The following MYO9B variants were observed in gnomAD, a reference collection of about 807,000 sequenced individuals.
The protein encoded by MYO9B is myosin IXB.
In MYO9B, 71 loss-of-function variants were observed where a neutral mutation model predicts 229.5. The ratio of observed to expected loss-of-function variants is 0.31; its 90% confidence interval spans 0.26 to 0.38. MYO9B has a LOEUF of 0.38. Ranked by LOEUF, MYO9B falls within the 10% of genes least tolerant of loss-of-function variation. The pLI, the probability that MYO9B is intolerant of heterozygous loss-of-function variation, is 1.00. For synonymous variants in MYO9B, 1,185 were observed against 1,235.8 expected (o/e 0.96, Z 0.86); for missense variants, 2,255 against 2,920.5 (o/e 0.77, Z 5.25).
intron 14 of MYO9B, among the ~76,000 whole-genome samples, chr19:17,179,050 T>G (rs11672028): frequency 0.11 from 15,739 of 138,744 alleles, 1,067 homozygotes; most frequent in Middle Eastern, 0.16. Flanking sequence ...AAAAAAAAAC[T>G]AGGGTTTCTC....
At chr19:17,148,314 C>G (rs916508567) in intron 3 of MYO9B, among the ~76,000 whole-genome samples, 1 of 152,198 alleles carries the variant, frequency 6.6e-6, no homozygotes, top group Non-Finnish European at 1.5e-5. Flanking sequence ...GGCACCGCCC[C>G]CTTTCCAACA....
chr19:17,076,976 G>C (rs1341013867), intron 1 of MYO9B, among the ~76,000 whole-genome samples: 7 of 152,150 alleles, frequency 4.6e-5, no homozygotes, highest in African/African-American at 1.7e-4. Context: ...TGGAGGCCAG[G>C]GGTCTTTAAG....
chr19:17,203,004 T>C (rs768101064), intron 29 of MYO9B, 121 bp downstream of exon 29: 29 of 1,395,114 alleles, frequency 2.1e-5, no homozygotes, highest in Non-Finnish European at 2.8e-5. Context: ...CGTGGACACG[T>C]GTGAGTGTGT....
chr19:17,105,320 A>G (rs1308732378), intron 2 of MYO9B, among the ~76,000 whole-genome samples: 1 of 53,944 alleles, frequency 1.9e-5, no homozygotes, highest in Non-Finnish European at 4.4e-5. Context: ...TGTCTCTACC[A>G]AAAAAAAAAA....
intron 31 of MYO9B, 46 bp from the exon 32 acceptor site, chr19:17,205,914 G>T: frequency 6.6e-7 from 1 of 1,506,972 alleles, no homozygotes; most frequent in East Asian, 2.3e-5. Context: ...CAGCTGGAGA[G>T]GAAGACAGCC....
intron 14 of MYO9B, 56 bp downstream of exon 14, chr19:17,175,797 T>C: frequency 2.3e-6 from 3 of 1,321,180 alleles, no homozygotes; most frequent in Non-Finnish European, 3.2e-6. Flanking sequence ...GCAGCATTGT[T>C]TCAAACAACT....
At chr19:17,178,142 G>A (rs967122937) in intron 14 of MYO9B, among the ~76,000 whole-genome samples, 3 of 152,208 alleles carry the variant, frequency 2.0e-5, no homozygotes, top group Non-Finnish European at 1.5e-5. Context: ...AAGGCCACTC[G>A]CATATAGAGG....
rs1363899514 is a variant in MYO9B at position 17,162,441 on chromosome 19, A to G, written c.1511A>G (p.Lys504Arg). Residue 504 changes from lysine to arginine, a missense_variant, in exon 9 of 40, where the codon AAG becomes AGG. Transcript: ENST00000682292. Reference protein sequence around the residue: ...VLRINHALLNKKDVEEAVSCL... With the variant: ...VLRINHALLNRKDVEEAVSCL... Reference sequence around the variant, plus strand: ...CGGATCAACCACGCACTCCTCAACAAGAAGGACGTGGAAGAGGCAGTCTCG... The same window carrying G: ...CGGATCAACCACGCACTCCTCAACAGGAAGGACGTGGAAGAGGCAGTCTCG... 3.8e-6 allele frequency: 6 copies of G among 1,576,514 alleles called. No individual in the cohort carries two copies. In the African/African-American group the frequency reaches 5.4e-5, roughly 14 times the overall value.
At chr19:17,097,509 T>G (rs932162326) in intron 1 of MYO9B, among the ~76,000 whole-genome samples, 15 of 152,082 alleles carry the variant, frequency 9.9e-5, no homozygotes, top group Non-Finnish European at 2.1e-4. Context: ...GATAAGACAA[T>G]CCAAAATTTA....
intron 18 of MYO9B, among the ~76,000 whole-genome samples, chr19:17,187,057 T>A (rs1360567487): frequency 6.6e-6 from 1 of 152,096 alleles, no homozygotes; most frequent in Non-Finnish European, 1.5e-5. Context: ...CACCATGCCT[T>A]ATCCCTTACT....
intron 2 of MYO9B, among the ~76,000 whole-genome samples, chr19:17,119,840 G>T (rs2057944637): frequency 6.6e-6 from 1 of 151,958 alleles, no homozygotes; most frequent in Non-Finnish European, 1.5e-5. Context: ...AGTAGAGATG[G>T]GGTTTCACCA....
intron 19 of MYO9B, among the ~76,000 whole-genome samples, chr19:17,189,531 C>A (rs556773553): frequency 6.6e-6 from 1 of 152,088 alleles, no homozygotes; most frequent in South Asian, 2.1e-4. Context: ...ACTTGCGGGG[C>A]TGAGGCAGGA....
chr19:17,185,324 A>T (rs1373013116), intron 17 of MYO9B, among the ~76,000 whole-genome samples: 1 of 150,386 alleles, frequency 6.6e-6, no homozygotes, highest in African/African-American at 2.5e-5. Flanking sequence ...CAGTGAGCCG[A>T]GATGGCGCCA....
Position 17,145,414 on chromosome 19 carries a change from G to A in MYO9B, c.858G>A (p.Lys286=), listed in dbSNP as rs762919296. The A allele has an allele frequency of 6.2e-7, 1 of 1,613,962 alleles. No individual in the cohort carries two copies. Among genetic ancestry groups the A allele is most frequent in the South Asian group, 1.1e-5 (1 of 91,084 alleles). ...CCTTGCAGGCTTTTGGAAATGCCAA[G>A]ACAGCCCACAACAACAACTCCAGCC... ...GPVLEAFGNA[K]TAHNNNSSRF... is the part of the protein sequence containing the mutation. The change falls in exon 3 of 40, where the codon AAG becomes AAA. Residue 286 remains lysine (K), a synonymous_variant. Coordinates refer to ENST00000682292, the MANE Select transcript of MYO9B (RefSeq NM_004145.4).
intron 10 of MYO9B, among the ~76,000 whole-genome samples, chr19:17,166,270 T>G (rs1176387293): frequency 1.3e-5 from 2 of 152,194 alleles, no homozygotes; most frequent in Non-Finnish European, 2.9e-5. Flanking sequence ...CTTGAACTCC[T>G]AACTTCAGGT....
intron 2 of MYO9B, among the ~76,000 whole-genome samples, chr19:17,124,104 G>T (rs936460861): frequency 1.3e-5 from 2 of 152,008 alleles, no homozygotes; most frequent in South Asian, 2.1e-4. Flanking sequence ...GCCCAGGGTG[G>T]TCTCCAACTT....
intron 10 of MYO9B, among the ~76,000 whole-genome samples, chr19:17,165,497 G>A (rs552276259): frequency 6.6e-6 from 1 of 151,970 alleles, no homozygotes; most frequent in Non-Finnish European, 1.5e-5. Context: ...ATTGCTTTAG[G>A]TCAGGAGTTC....
At chr19:17,164,473 C>G (rs1023994218) in intron 10 of MYO9B, among the ~76,000 whole-genome samples, 2 of 151,968 alleles carry the variant, frequency 1.3e-5, no homozygotes, top group African/African-American at 4.8e-5. Flanking sequence ...CTCTGCCTCC[C>G]TGGTTCAAGC....
chr19:17,139,268 A>G (rs752185214), intron 2 of MYO9B, among the ~76,000 whole-genome samples: 2 of 152,192 alleles, frequency 1.3e-5, no homozygotes, highest in Non-Finnish European at 2.9e-5. Context: ...GGGCAGTTGT[A>G]ACACAATGGT....
Sources: gnomAD v4.1 joint callset for allele counts (sites outside exome capture counted in the v4.1 genomes callset) on GRCh38, gnomAD v4.1.1 for gene constraint, MANE v1.5 for transcripts, NCBI Gene and HGNC (gene_info 2026-07-23, HGNC 2026-07-21) for gene names.